The following KIF3B variants were observed in gnomAD, a reference collection of about 807,000 sequenced individuals.
KIF3B encodes the protein kinesin family member 3B.
In KIF3B, 38 loss-of-function variants were observed where a neutral mutation model predicts 74.3. The ratio of observed to expected loss-of-function variants is 0.51; its 90% CI spans 0.39 to 0.67. The LOEUF (loss-of-function observed/expected upper bound fraction) is 0.67, where lower values mean the gene tolerates loss of function less well. Among genes scored for constraint, KIF3B ranks in the 30% least tolerant of loss-of-function variants. KIF3B has a pLI of 0.00. For missense variants in KIF3B, 649 were observed against 932.0 expected (o/e 0.70, Z 3.95); for synonymous variants, 326 against 342.5 (o/e 0.95, Z 0.53).
chr20:32,304,513 A>C (rs1019464191), intron 1 of KIF3B, among the ~76,000 whole-genome samples: 1 of 152,210 alleles, frequency 6.6e-6, no homozygotes, highest in African/African-American at 2.4e-5. Flanking sequence ...GGTTTTTCAC[A>C]GCAGAATATC....
intron 5 of KIF3B, among the ~76,000 whole-genome samples, chr20:32,321,234 C>A (rs548916701): frequency 1.3e-5 from 2 of 151,976 alleles, no homozygotes; most frequent in East Asian, 3.9e-4. Flanking sequence ...TTCGAGATCA[C>A]CCTGGCCAAT....
intron 5 of KIF3B, among the ~76,000 whole-genome samples, chr20:32,325,316 G>A (rs953816258): frequency 2.0e-5 from 3 of 152,030 alleles, no homozygotes; most frequent in Admixed American, 1.3e-4. Context: ...AGCCTCCCAA[G>A]TAGCTGGGAT....
chr20:32,286,173 A>G (rs1040551743), intron 1 of KIF3B, among the ~76,000 whole-genome samples: 1 of 152,196 alleles, frequency 6.6e-6, no homozygotes, highest in Non-Finnish European at 1.5e-5. Context: ...ATTGCCATAG[A>G]TTATTGGGAG....
At chr20:32,301,851 G>A (rs1469593490) in intron 1 of KIF3B, among the ~76,000 whole-genome samples, 18 of 152,226 alleles carry the variant, frequency 1.2e-4, no homozygotes, top group Admixed American at 7.2e-4. Context: ...GTGAGGATGC[G>A]TGAATCTAAA....
chr20:32,309,937 C>T lies in KIF3B; in HGVS notation c.160C>T (p.Pro54Ser), dbSNP rs538961202. ...KNPKGTAHEM[P>S]KTFTFDAVYD... is the part of the protein sequence containing the mutation. ...CCCCAAAGGGACGGCCCATGAAATG[C>T]CCAAGACCTTCACCTTTGATGCCGT... is the stretch of plus-strand genomic sequence containing the variant. The change falls in exon 2 of 9, where the codon CCC (proline) becomes TCC (serine). Residue 54 changes from proline (P) to serine (S), a missense_variant. This residue lies in a region of KIF3B where 96 missense variants were observed against 119.0 expected (regional missense o/e 0.81). Coordinates refer to ENST00000375712, the MANE Select transcript of KIF3B (RefSeq NM_004798.4). The T allele has an allele frequency of 3.4e-5, 55 of 1,614,006 alleles. No homozygotes were observed. The highest frequency in any genetic ancestry group is 4.2e-5 in the Non-Finnish European group (49 of 1,180,042).
At position 32,309,803 on chromosome 20, in the gene KIF3B, C is replaced by G; in HGVS notation, c.26C>G (p.Ser9Ter). The change falls in exon 2 of 9, where the codon TCA becomes TGA. Residue 9 changes from serine (S) to a stop codon, truncating the protein, a stop_gained. Coordinates refer to ENST00000375712, the MANE Select transcript of KIF3B (RefSeq NM_004798.4). LOFTEE classifies it high-confidence loss of function. ...ATGTCAAAGTTGAAAAGCTCAGAGT[C>G]AGTCAGGGTGGTGGTTCGCTGTCGG... MSKLKSSE[S>*]VRVVVRCRPM... 6.2e-7 allele frequency: 1 copy of G among 1,613,494 alleles called. No homozygotes were observed. Among genetic ancestry groups the G allele is most frequent in the Non-Finnish European group, 8.5e-7 (1 of 1,179,704 alleles).
intron 1 of KIF3B, among the ~76,000 whole-genome samples, chr20:32,303,150 C>T (rs2122681020): frequency 6.6e-6 from 1 of 152,278 alleles, no homozygotes; most frequent in South Asian, 2.1e-4. Context: ...GAAGGGCTTC[C>T]TTTTGCATAG....
chr20:32,295,342 G>C (rs1020189043), intron 1 of KIF3B, among the ~76,000 whole-genome samples: 3 of 151,876 alleles, frequency 2.0e-5, no homozygotes, highest in African/African-American at 7.3e-5. Context: ...GCCCAGGCTG[G>C]AGTGCAGTGG....
rs981193952 is a variant in KIF3B, at chr20:32,334,685, C to G, written c.*3366C>G. 1 of 152,266 alleles carries G rather than the reference C, an allele frequency of 6.6e-6. No homozygotes were observed. Among genetic ancestry groups the G allele is most frequent in the East Asian group, 1.9e-4 (1 of 5,196 alleles). 9.4% of individuals were successfully genotyped at this position (152,266 alleles called of 1,614,324 possible). On this transcript the variant is annotated 3_prime_UTR_variant, in exon 9 of 9. Coordinates refer to ENST00000375712, the MANE Select transcript of KIF3B (RefSeq NM_004798.4). ...AATAGTGGGCCTGGTGATTGTCTATCACGCAAGGCTTTGTTTTGTACTGTT... is the reference window on the plus strand; with the variant it reads ...AATAGTGGGCCTGGTGATTGTCTATGACGCAAGGCTTTGTTTTGTACTGTT...
At chr20:32,299,872 T>C (rs896723410) in intron 1 of KIF3B, among the ~76,000 whole-genome samples, 2 of 152,130 alleles carry the variant, frequency 1.3e-5, no homozygotes, top group Non-Finnish European at 2.9e-5. Context: ...TGCTGCAGTC[T>C]TAACCTCCTG....
At chr20:32,331,129 TGAAG>T in intron 8 of KIF3B, 90 bp from the exon 9 acceptor site, 13 of 955,984 alleles carry the variant, frequency 1.4e-5, no homozygotes, top group Non-Finnish European at 2.0e-5. Context: ...TTCAGGCCAT[TGAAG>T]AATGGCCTGA....
In KIF3B at chr20:32,277,696, G is replaced by T. The variant is rs948876473; in HGVS notation, c.-135G>T. Reference sequence around the variant, plus strand: ...GCAGCGGGGAATGGCTGAGCCAGGGGTTCGCCGCCCCCGCCGCCGCCGCCG... The same window carrying T: ...GCAGCGGGGAATGGCTGAGCCAGGGTTTCGCCGCCCCCGCCGCCGCCGCCG... On this transcript the variant is annotated 5_prime_UTR_variant, in exon 1 of 9. Transcript: ENST00000375712. The T allele has an allele frequency of 3.8e-6, 1 of 261,052 alleles. No individual in the cohort carries two copies. Among genetic ancestry groups the T allele is most frequent in the East Asian group, 8.8e-5 (1 of 11,360 alleles). 16.2% of individuals were successfully genotyped at this position (261,052 alleles called of 1,614,324 possible). A position where few individuals can be genotyped will look rare whatever the true frequency, so the allele number is the denominator to read the frequency against.
rs2047934673 is a variant in KIF3B at position 32,332,393 on chromosome 20, A to G, written c.*1074A>G. 6.6e-6 allele frequency: 1 copy of G among 152,348 alleles called. No homozygotes were observed. Among genetic ancestry groups the G allele is most frequent in the Admixed American group, 6.5e-5 (1 of 15,288 alleles). 9.4% of individuals were successfully genotyped at this position (152,348 alleles called of 1,614,324 possible). Reference sequence around the variant, plus strand: ...ACTCAGTGCAGTGGGCAGGGAAGACATAACAGATGGAAGCAAAGGAATCCT... The same window carrying G: ...ACTCAGTGCAGTGGGCAGGGAAGACGTAACAGATGGAAGCAAAGGAATCCT... On this transcript the variant is annotated 3_prime_UTR_variant, in exon 9 of 9. Transcript: ENST00000375712.
At chr20:32,322,177 A>G (rs566035771) in intron 5 of KIF3B, among the ~76,000 whole-genome samples, 1 of 151,702 alleles carries the variant, frequency 6.6e-6, no homozygotes, top group South Asian at 2.1e-4. Context: ...TATTTCTTTA[A>G]TTTTTCTCGA....
At chr20:32,302,086 A>G (rs1462722648) in intron 1 of KIF3B, among the ~76,000 whole-genome samples, 1 of 152,220 alleles carries the variant, frequency 6.6e-6, no homozygotes, top group Non-Finnish European at 1.5e-5. Flanking sequence ...TTTCCTGGCA[A>G]TTCTGTGAGT....
At chr20:32,288,491 C>A (rs2047677308) in intron 1 of KIF3B, among the ~76,000 whole-genome samples, 1 of 152,016 alleles carries the variant, frequency 6.6e-6, no homozygotes, top group South Asian at 2.1e-4. Flanking sequence ...TGTCTCCAAA[C>A]AAACAAAAAA....
In KIF3B at chr20:32,310,115, C is replaced by A; in HGVS notation, c.338C>A (p.Pro113His). Residue 113 changes from proline (P) to histidine (H), a missense_variant, in exon 2 of 9, where the codon CCT (proline) becomes CAT (histidine). By Grantham distance (77) the Pro-to-His change is moderately conservative. This residue lies in a region of KIF3B where 363 missense variants were observed against 592.8 expected (regional missense o/e 0.61). Coordinates refer to ENST00000375712, the MANE Select transcript of KIF3B (RefSeq NM_004798.4). This position sits in a 1 kb window ranked among gnomAD's most constrained non-coding sequence, Gnocchi z 6.5. ...ACCATGGAAGGAATCCGTGGTGACC[C>A]TGAAAAAAGAGGAGTCATTCCTAAC... ...TYTMEGIRGD[P>H]EKRGVIPNSF... 1 of 1,613,598 alleles carries A rather than the reference C, an allele frequency of 6.2e-7. No individual in the cohort carries two copies. The highest frequency in any genetic ancestry group is 8.5e-7 in the Non-Finnish European group (1 of 1,179,860).
chr20:32,292,416 C>T (rs528634951), intron 1 of KIF3B, among the ~76,000 whole-genome samples: 1 of 151,694 alleles, frequency 6.6e-6, no homozygotes, highest in African/African-American at 2.4e-5. Flanking sequence ...TGCAACAAAG[C>T]AAGACCCCCC....
chr20:32,310,794 C>T lies in KIF3B; in HGVS notation c.1017C>T (p.Asn339=). 1 of 1,614,174 alleles carries T rather than the reference C, an allele frequency of 6.2e-7. No homozygotes were observed. Residue 339 remains asparagine (N), a synonymous_variant, in exon 2 of 9, where the codon AAC becomes AAT. Transcript: ENST00000375712. The surrounding 1 kb of genome is among the most constrained non-coding windows in gnomAD (Gnocchi z 6.5). ...TGCGATATGCCAACCGTGCCAAAAA[C>T]ATTAAGAACAAACCAAGGGTCAATG... The part of the protein sequence containing the change: ...TTLRYANRAK[N]IKNKPRVNED...
Sources: gnomAD v4.1 joint callset for allele counts (sites outside exome capture counted in the v4.1 genomes callset) on GRCh38, gnomAD v4.1.1 for gene constraint, gnomAD v4.1.1 regional missense constraint, Gnocchi (gnomAD v3.1) non-coding constraint, MANE v1.5 for transcripts, NCBI Gene and HGNC (gene_info 2026-07-23, HGNC 2026-07-21) for gene names.